Variants in XBP1 observed in about 807,000 individuals in gnomAD.
The protein encoded by XBP1 is X-box binding protein 1.
XBP1 carries 18 observed loss-of-function variants against 34.6 expected under a neutral mutation model. The ratio of observed to expected loss-of-function variants is 0.52; its 90% confidence interval spans 0.36 to 0.77. XBP1 has a LOEUF of 0.77. Ranked by LOEUF, XBP1 falls within the 30% of genes least tolerant of loss-of-function variation. XBP1 has a pLI of 0.00. For synonymous variants in XBP1, 191 were observed against 193.4 expected (o/e 0.99, Z 0.11); for missense variants, 422 against 464.6 (o/e 0.91, Z 0.84).
At chr22:28,795,135 G>C (rs2031719985), downstream of XBP1, 1 of 1,462,488 alleles carries the variant, frequency 6.8e-7, no homozygotes, top group African/African-American at 1.4e-5. Flanking sequence ...TCCAGGCAGT[G>C]TAATAGTCAA....
chr22:28,798,699 T>A (rs1004701458), intron 2 of XBP1, among the ~76,000 whole-genome samples: 2 of 148,404 alleles, frequency 1.3e-5, no homozygotes. Context: ...AACCTCCCTC[T>A]CCCAGGTTCA....
chr22:28,795,809 G>A, intron 5 of XBP1, 77 bp from the exon 6 acceptor site: 3 of 1,431,052 alleles, frequency 2.1e-6, no homozygotes, highest in Non-Finnish European at 1.9e-6. Flanking sequence ...TTTGTACTGG[G>A]TTCCATAATG....
chr22:28,800,213 TG>T, intron 1 of XBP1, 84 bp downstream of exon 1: 1 of 1,464,466 alleles, frequency 6.8e-7, no homozygotes, highest in Non-Finnish European at 9.3e-7. Flanking sequence ...CGGCCAGTGC[TG>T]GGTCCCCGCT....
chr22:28,796,103 T>C (rs2031746926), exon 5 of XBP1: 1 of 1,614,080 alleles, frequency 6.2e-7, no homozygotes. Context: ...TCTGGAGGGG[T>C]GACAACTGGG....
At chr22:28,795,235 T>C in exon 6 of XBP1, 1 of 1,548,412 alleles carries the variant, frequency 6.5e-7, no homozygotes, top group Non-Finnish European at 8.7e-7. Context: ...AAGAATGGTT[T>C]ACACCAAGCA....
chr22:28,796,016 T>TA (rs1400753236), intron 5 of XBP1, 31 bp downstream of exon 5: 1 of 1,613,268 alleles, frequency 6.2e-7, no homozygotes, highest in East Asian at 2.2e-5. Flanking sequence ...ACTGGTTATA[T>TA]AGCTCTTTAA....
downstream of XBP1, chr22:28,795,074 C>A (rs2031718405): frequency 8.8e-7 from 1 of 1,138,668 alleles, no homozygotes; most frequent in Non-Finnish European, 1.2e-6. Flanking sequence ...GGACTGTATA[C>A]TCTCTATTTT....
Position 28,800,126 on chromosome 22 carries a change from C to T in XBP1, c.227+172G>A, listed in dbSNP as rs563049332. 1.3e-4 allele frequency: 98 copies of T among 774,716 alleles called. 1 individual carries two copies. The East Asian group carries it at 2.6e-3, about 21-fold the overall frequency. 48.0% of individuals were successfully genotyped at this position (774,716 alleles called of 1,614,324 possible). On this transcript the variant is annotated intron_variant, in intron 1 of 5. Coordinates refer to ENST00000344347, the Ensembl canonical transcript of XBP1. ...AGGTTCCCAGCGTGGCGGATCCGGTCAGTCCGGGCTTCCTGCCCCGCCCCG... is the reference window on the plus strand; with the variant it reads ...AGGTTCCCAGCGTGGCGGATCCGGTTAGTCCGGGCTTCCTGCCCCGCCCCG...
chr22:28,800,048 G>A (rs997044114), intron 1 of XBP1: 2 of 774,066 alleles, frequency 2.6e-6, no homozygotes, highest in Non-Finnish European at 4.8e-6. Context: ...CCCAGCTCTG[G>A]TCATCTCTAA....
chr22:28,799,118 C>T (rs2031812731), exon 2 of XBP1: 1 of 1,614,124 alleles, frequency 6.2e-7, no homozygotes, highest in Non-Finnish European at 8.5e-7. Context: ...CTTTCGATCT[C>T]TGGCAGTCTG....
intron 2 of XBP1, among the ~76,000 whole-genome samples, chr22:28,798,416 C>T (rs1000599196): frequency 3.3e-5 from 5 of 150,012 alleles, no homozygotes; most frequent in African/African-American, 1.2e-4. Flanking sequence ...TCAAGTGATT[C>T]TCCTGCGTCA....
rs201018590 is a variant in XBP1 at position 28,799,186 on chromosome 22, A to G, written c.228-33T>C. On this transcript the variant is annotated intron_variant, in intron 1 of 5. Coordinates refer to ENST00000344347, the Ensembl canonical transcript of XBP1. ...GAGAAGGAACATACCACACTGAGTC[A>G]TATCAAACCTTATTTATGTCTTTAT... is the stretch of plus-strand genomic sequence containing the variant. 5 of 1,530,568 alleles carry G rather than the reference A, an allele frequency of 3.3e-6. No homozygotes were observed. The East Asian group carries it at 6.8e-5, about 21-fold the overall frequency. 94.8% of individuals were successfully genotyped at this position (1,530,568 alleles called of 1,614,324 possible).
Position 28,799,057 on chromosome 22 carries a change from CTCT to C in XBP1, c.321_323del (p.Glu108del), listed in dbSNP as rs2031810177. On this transcript the variant is annotated inframe_deletion and splice_region_variant, in exon 2 of 6. Transcript: ENST00000344347. ...AGAGTTTGACCTTAAGTAGTTTTACCTCTTCTTCTAAATCTACCACTTGCTGTT... is the reference window on the plus strand; with the variant it reads ...AGAGTTTGACCTTAAGTAGTTTTACCTCTTCTAAATCTACCACTTGCTGTT... 4 of 1,613,048 alleles carry C rather than the reference CTCT, an allele frequency of 2.5e-6. No homozygotes were observed. The South Asian group carries it at 3.3e-5, about 13-fold the overall frequency.
At chr22:28,797,032 G>T (rs1287179256) in intron 3 of XBP1, 45 bp downstream of exon 3, 2 of 1,563,286 alleles carry the variant, frequency 1.3e-6, no homozygotes, top group African/African-American at 2.8e-5. Context: ...CATGTCACTT[G>T]GAACCAGTAC....
In XBP1 at chr22:28,799,725, C is replaced by T. The variant is rs144608825; in HGVS notation, c.228-572G>A. ...AACTCAGAAGAGACACTTCATAAAT[C>T]ACAGAAGGCACAATGATCACAAAAG... On this transcript the variant is annotated intron_variant, in intron 1 of 5. Transcript: ENST00000344347. Among the ~76,000 whole-genome samples, 3 of 152,170 alleles carry T rather than the reference C, an allele frequency of 2.0e-5. No individual in the cohort carries two copies. The East Asian group carries it at 5.8e-4, about 29-fold the overall frequency.
At chr22:28,796,356 CAAGAT>C (rs921825139) in intron 3 of XBP1, 164 bp from the exon 4 acceptor site, 25 of 608,142 alleles carry the variant, frequency 4.1e-5, no homozygotes, top group Admixed American at 7.6e-5. Context: ...TTGAGAAGAG[CAAGAT>C]AAGATATTTG....
At chr22:28,795,256 G>C (rs924199663) in exon 6 of XBP1, 1 of 1,551,424 alleles carries the variant, frequency 6.4e-7, no homozygotes, top group Non-Finnish European at 8.7e-7. Context: ...GAGAGGACAT[G>C]TCACTGAATG....
At chr22:28,800,404 G>A in exon 1 of XBP1, 1 of 1,520,110 alleles carries the variant, frequency 6.6e-7, no homozygotes, top group Non-Finnish European at 8.8e-7. Context: ...CTCTGGGCTG[G>A]CACCATGAGC....
At chr22:28,798,578 G>A (rs1343772265) in intron 2 of XBP1, among the ~76,000 whole-genome samples, 1 of 150,620 alleles carries the variant, frequency 6.6e-6, no homozygotes, top group Non-Finnish European at 1.5e-5. Context: ...CAAAGTGCTG[G>A]GATTACAGGT....
Sources: gnomAD v4.1 joint callset for allele counts (sites outside exome capture counted in the v4.1 genomes callset) on GRCh38, gnomAD v4.1.1 for gene constraint, MANE v1.5 for transcripts, NCBI Gene and HGNC (gene_info 2026-07-23, HGNC 2026-07-21) for gene names.